The following GRXCR1 variants were observed in gnomAD, a reference collection of about 807,000 sequenced individuals.
The protein encoded by GRXCR1 is glutaredoxin domain-containing cysteine-rich protein 1.
In GRXCR1, 27 loss-of-function variants were observed where a neutral mutation model predicts 27.3. That is an observed-to-expected ratio of 0.99 (90% CI 0.73 to 1.37). GRXCR1 has a LOEUF of 1.37. GRXCR1 is among the 40% of genes most tolerant of loss of function. The pLI, the probability that GRXCR1 is intolerant of heterozygous loss-of-function variation, is 0.00. For synonymous variants in GRXCR1, 122 were observed against 131.1 expected (o/e 0.93, Z 0.47); for missense variants, 379 against 354.4 (o/e 1.07, Z -0.56).
At chr4:42,938,364 C>G (rs1747508029) in intron 1 of GRXCR1, among the ~76,000 whole-genome samples, 1 of 151,996 alleles carries the variant, frequency 6.6e-6, no homozygotes, top group Admixed American at 6.6e-5. Context: ...CAGATCTTTG[C>G]TATTGTGAAT....
intron 1 of GRXCR1, among the ~76,000 whole-genome samples, chr4:42,955,114 C>G (rs1444250027): frequency 6.6e-6 from 1 of 152,066 alleles, no homozygotes; most frequent in African/African-American, 2.4e-5. Flanking sequence ...TTCCTGGAGC[C>G]AGGTTGGCCC....
chr4:42,934,307 A>G (rs1485634804), intron 1 of GRXCR1, among the ~76,000 whole-genome samples: 2 of 151,400 alleles, frequency 1.3e-5, no homozygotes, highest in East Asian at 3.9e-4. Context: ...TGTTTGAATG[A>G]TGGAGATACT....
At chr4:42,961,721 A>G (rs1479651348) in intron 1 of GRXCR1, among the ~76,000 whole-genome samples, 1 of 152,014 alleles carries the variant, frequency 6.6e-6, no homozygotes, top group Non-Finnish European at 1.5e-5. Flanking sequence ...TTCTCTCTCC[A>G]TAAGGTGGAG....
At chr4:42,925,486 C>A (rs1423541975) in intron 1 of GRXCR1, among the ~76,000 whole-genome samples, 1 of 152,000 alleles carries the variant, frequency 6.6e-6, no homozygotes, top group Non-Finnish European at 1.5e-5. Flanking sequence ...CCCAGTTAAC[C>A]AAATTTTGCT....
intron 1 of GRXCR1, among the ~76,000 whole-genome samples, chr4:42,929,817 C>A (rs371820075): frequency 2.6e-5 from 4 of 151,924 alleles, no homozygotes; most frequent in Admixed American, 2.6e-4. Context: ...ATAACACCTG[C>A]ACCATAAAAA....
chr4:42,922,819 G>C (rs917239650), intron 1 of GRXCR1, among the ~76,000 whole-genome samples: 1 of 151,968 alleles, frequency 6.6e-6, no homozygotes, highest in African/African-American at 2.4e-5. Flanking sequence ...TTCTCACCTA[G>C]AGACCAATCT....
chr4:42,970,945 A>G (rs1298281384), intron 2 of GRXCR1, among the ~76,000 whole-genome samples: 1 of 152,152 alleles, frequency 6.6e-6, no homozygotes, highest in Non-Finnish European at 1.5e-5. Context: ...TCGTGAATGC[A>G]TATGACTGTA....
intron 2 of GRXCR1, among the ~76,000 whole-genome samples, chr4:42,985,243 C>G (rs914574675): frequency 6.6e-6 from 1 of 152,094 alleles, no homozygotes; most frequent in African/African-American, 2.4e-5. Context: ...ACTCTTCTCT[C>G]CTATATTTAA....
chr4:43,021,345 T>A (rs1452746926), intron 3 of GRXCR1, among the ~76,000 whole-genome samples: 3 of 152,216 alleles, frequency 2.0e-5, no homozygotes, highest in Non-Finnish European at 4.4e-5. Flanking sequence ...TATTCATTTC[T>A]GATCTCCCCT....
At chr4:42,999,887 T>A (rs1184780544) in intron 2 of GRXCR1, among the ~76,000 whole-genome samples, 3 of 152,238 alleles carry the variant, frequency 2.0e-5, no homozygotes, top group Non-Finnish European at 4.4e-5. Flanking sequence ...TGCTATCAGA[T>A]GGTTGCTGGA....
intron 1 of GRXCR1, among the ~76,000 whole-genome samples, chr4:42,936,827 T>C (rs542040161): frequency 3.9e-5 from 6 of 152,028 alleles, no homozygotes; most frequent in African/African-American, 1.4e-4. Context: ...GAAAGGAAGA[T>C]AACAGAAGTA....
In GRXCR1 at chr4:42,988,788, A is replaced by G. The variant is rs114653598; in HGVS notation, c.627+25654A>G. Among the ~76,000 whole-genome samples the G allele has an allele frequency of 2.5e-3, 378 of 152,328 alleles. 1 individual carries two copies. Among genetic ancestry groups the G allele is most frequent in the African/African-American group, 8.7e-3 (362 of 41,564 alleles). On this transcript the variant is annotated intron_variant, in intron 2 of 3. Coordinates refer to ENST00000399770, the MANE Select transcript of GRXCR1 (RefSeq NM_001080476.3). ...GTACTGCGACTGAGAAAATGAGGCA[A>G]GTGTATATATGGAATGCCAGTATGC...
chr4:43,001,756 G>A (rs914443589), intron 2 of GRXCR1, among the ~76,000 whole-genome samples: 2 of 152,064 alleles, frequency 1.3e-5, no homozygotes, highest in African/African-American at 2.4e-5. Flanking sequence ...CCAGGGGACC[G>A]GTGCTCCAGC....
At chr4:42,942,732 A>G (rs1384609530) in intron 1 of GRXCR1, among the ~76,000 whole-genome samples, 3 of 152,130 alleles carry the variant, frequency 2.0e-5, no homozygotes, top group African/African-American at 7.2e-5. Context: ...TGTTGACCAC[A>G]TTTTGTAAAA....
At chr4:42,936,603 C>T (rs141161781) in intron 1 of GRXCR1, among the ~76,000 whole-genome samples, 5,012 of 151,932 alleles carry the variant, frequency 0.033, 130 homozygotes, top group Middle Eastern at 0.058. Flanking sequence ...TAATTAAAGT[C>T]CATACTTTAT....
chr4:43,017,835 C>G (rs1712975145), intron 2 of GRXCR1, among the ~76,000 whole-genome samples: 1 of 152,134 alleles, frequency 6.6e-6, no homozygotes, highest in South Asian at 2.1e-4. Flanking sequence ...TTTGTGGACA[C>G]AGAGGTTTCT....
chr4:43,008,096 TA>T (rs1394597441), intron 2 of GRXCR1, among the ~76,000 whole-genome samples: 1 of 152,192 alleles, frequency 6.6e-6, no homozygotes, highest in Non-Finnish European at 1.5e-5. Flanking sequence ...ATTCTTGGAA[TA>T]AAAACTTTTT....
At chr4:42,937,931 A>G (rs933938281) in intron 1 of GRXCR1, among the ~76,000 whole-genome samples, 1 of 151,978 alleles carries the variant, frequency 6.6e-6, no homozygotes, top group Non-Finnish European at 1.5e-5. Flanking sequence ...AAACATTTCA[A>G]TTGAATTCTC....
intron 2 of GRXCR1, among the ~76,000 whole-genome samples, chr4:42,991,748 A>G (rs1711981432): frequency 6.6e-6 from 1 of 151,928 alleles, no homozygotes; most frequent in Admixed American, 6.6e-5. Flanking sequence ...CTGTTTATAT[A>G]CTGTATGTAT....
Sources: gnomAD v4.1 joint callset for allele counts (sites outside exome capture counted in the v4.1 genomes callset) on GRCh38, gnomAD v4.1.1 for gene constraint, MANE v1.5 for transcripts, NCBI Gene and HGNC (gene_info 2026-07-23, HGNC 2026-07-21) for gene names.